IL17RB: variants seen among roughly 807,000 people sequenced by gnomAD.
IL17RB encodes interleukin-17 receptor B.
In IL17RB, 36 loss-of-function variants were observed where a neutral mutation model predicts 43.9. The ratio of observed to expected loss-of-function variants is 0.82; its 90% CI spans 0.63 to 1.08. IL17RB has a LOEUF of 1.08. IL17RB is among the 50% of genes least tolerant of loss of function. The pLI is 0.00. For missense variants in IL17RB, 613 were observed against 613.6 expected (o/e 1.00, Z 0.01); for synonymous variants, 225 against 225.4 (o/e 1.00, Z 0.02).
rs1332872990 is a variant in IL17RB at position 53,857,661 on chromosome 3, A to C, written c.718A>C (p.Thr240Pro). ...QTRASVVIPV[T>P]GDSEGATVQL... ...GCGAGCTTCAGTGGTGATTCCAGTG[A>C]CTGGGGATAGTGAAGGTGCTACGGT... Residue 240 changes from threonine (T) to proline (P), a missense_variant, in exon 8 of 11, where the codon ACT becomes CCT. Coordinates refer to ENST00000288167, the MANE Select transcript of IL17RB (RefSeq NM_018725.4). 1 of 1,614,164 alleles carries C rather than the reference A, an allele frequency of 6.2e-7. No homozygotes were observed. Among genetic ancestry groups the C allele is most frequent in the Non-Finnish European group, 8.5e-7 (1 of 1,180,008 alleles).
chr3:53,846,597 C>G lies in IL17RB; in HGVS notation c.9C>G (p.Leu3=). ...CGCGCAGTGGCCCGGCGATGTCGCT[C>G]GTGCTGCTAAGCCTGGCCGCGCTGT... MS[L]VLLSLAALCR... is the part of the protein sequence containing the mutation. The change falls in exon 1 of 11, where the codon CTC becomes CTG. Residue 3 remains leucine, a synonymous_variant. Coordinates refer to ENST00000288167, the MANE Select transcript of IL17RB (RefSeq NM_018725.4). The G allele has an allele frequency of 6.3e-7, 1 of 1,586,300 alleles. No individual in the cohort carries two copies. The highest frequency in any genetic ancestry group is 8.5e-7 in the Non-Finnish European group (1 of 1,170,744).
chr3:53,850,944 T>C (rs1699120820), intron 3 of IL17RB, among the ~76,000 whole-genome samples: 1 of 152,240 alleles, frequency 6.6e-6, no homozygotes, highest in Non-Finnish European at 1.5e-5. Flanking sequence ...ATGCATCAAG[T>C]GGTACACTTA....
chr3:53,855,478 AG>A, intron 6 of IL17RB, 137 bp downstream of exon 6: 1 of 596,610 alleles, frequency 1.7e-6, no homozygotes, highest in Non-Finnish European at 3.0e-6. Context: ...TGGTGGTGGC[AG>A]AAGCACCTAT....
chr3:53,848,600 T>C, intron 1 of IL17RB, 64 bp from the exon 2 acceptor site: 1 of 1,522,054 alleles, frequency 6.6e-7, no homozygotes, highest in Non-Finnish European at 9.1e-7. Context: ...TCTGCCTAAT[T>C]TGGCAAAGGA....
chr3:53,858,797 G>C lies in IL17RB; in HGVS notation c.826G>C (p.Val276Leu). 6.2e-7 allele frequency: 1 copy of C among 1,613,990 alleles called. No homozygotes were observed. ...AGTTGTGCTCTGCCCACAAACAGGC[G>C]TCCCTTTCCCTCTGGATAACAGTAA... Reference protein sequence around the residue: ...GTVVLCPQTGVPFPLDNNKSK... With the variant: ...GTVVLCPQTGLPFPLDNNKSK... Residue 276 changes from valine (V) to leucine (L), a missense_variant, in exon 9 of 11, where the codon GTC becomes CTC. Transcript: ENST00000288167.
At chr3:53,855,844 CTT>C (rs1478236310) in intron 6 of IL17RB, among the ~76,000 whole-genome samples, 1 of 152,220 alleles carries the variant, frequency 6.6e-6, no homozygotes, top group Non-Finnish European at 1.5e-5. Flanking sequence ...AAGAGGATCA[CTT>C]TTCACAGGCT....
intron 5 of IL17RB, among the ~76,000 whole-genome samples, chr3:53,854,874 T>C (rs959795103): frequency 2.6e-5 from 4 of 152,206 alleles, no homozygotes; most frequent in African/African-American, 9.6e-5. Context: ...AAGATACTGT[T>C]TTGATAAAGG....
At chr3:53,850,969 T>C (rs758475933) in intron 3 of IL17RB, among the ~76,000 whole-genome samples, 3 of 152,210 alleles carry the variant, frequency 2.0e-5, no homozygotes, top group Non-Finnish European at 4.4e-5. Context: ...TGTACTTTTC[T>C]GTGTATGTAC....
intron 10 of IL17RB, among the ~76,000 whole-genome samples, chr3:53,862,558 C>T (rs1559783869): frequency 6.6e-6 from 1 of 152,112 alleles, no homozygotes; most frequent in Admixed American, 6.6e-5. Context: ...TGAAGGGTTT[C>T]AAGATACGGA....
rs369447606 is a variant in IL17RB, at chr3:53,854,050, C to T, written c.481+1053C>T. On this transcript the variant is annotated intron_variant, in intron 5 of 10. Transcript: ENST00000288167. ...AAGCTAGGATTACAGTCATGAGCCACCACACCCAGCTAATTTTTGTATTTT... is the reference window on the plus strand; with the variant it reads ...AAGCTAGGATTACAGTCATGAGCCATCACACCCAGCTAATTTTTGTATTTT... 1.5e-4 allele frequency among the ~76,000 whole-genome samples: 23 copies of T among 152,206 alleles called. No individual in the cohort carries two copies. In the East Asian group the frequency reaches 3.9e-3, roughly 26 times the overall value.
chr3:53,857,790 C>T, intron 8 of IL17RB, 100 bp downstream of exon 8: 1 of 1,077,700 alleles, frequency 9.3e-7, no homozygotes. Flanking sequence ...AAATGCACTT[C>T]TGCCAGCAGA....
intron 3 of IL17RB, among the ~76,000 whole-genome samples, chr3:53,851,201 C>T (rs1371768905): frequency 6.6e-6 from 1 of 152,164 alleles, no homozygotes; most frequent in Non-Finnish European, 1.5e-5. Context: ...CTGCTAAATT[C>T]AGATCGGAAA....
At chr3:53,846,860 C>T (rs910509688) in intron 1 of IL17RB, among the ~76,000 whole-genome samples, 6 of 152,204 alleles carry the variant, frequency 3.9e-5, no homozygotes, top group African/African-American at 1.4e-4. Flanking sequence ...TCAGATGCCA[C>T]CCTGTACTGT....
intron 5 of IL17RB, among the ~76,000 whole-genome samples, chr3:53,854,729 C>T (rs923299688): frequency 6.6e-6 from 1 of 152,212 alleles, no homozygotes; most frequent in Non-Finnish European, 1.5e-5. Flanking sequence ...GGAAACAAGT[C>T]ACTAATTCTA....
intron 9 of IL17RB, chr3:53,859,068 TAC>T: frequency 2.5e-6 from 1 of 396,440 alleles, no homozygotes; most frequent in Non-Finnish European, 4.6e-6. Flanking sequence ...GGGAAAAAAA[TAC>T]ACAGTGCAAA....
intron 10 of IL17RB, chr3:53,860,918 C>T (rs1699540339): frequency 6.6e-6 from 1 of 152,188 alleles, no homozygotes; most frequent in African/African-American, 2.4e-5. Context: ...ACCAACTGTA[C>T]ATGGCACCAT....
Position 53,849,663 on chromosome 3 carries a change from C to G in IL17RB, c.94C>G (p.Pro32Ala), listed in dbSNP as rs147809541. 5 of 1,605,276 alleles carry G rather than the reference C, an allele frequency of 3.1e-6. No homozygotes were observed. In the African/African-American group the frequency reaches 6.7e-5, roughly 22 times the overall value. ...GTCTTGCTTTTTCCCAGGGCCATCT[C>G]CAGAGTGGATGCTACAACATGATCT... ...VQCGSETGPS[P>A]EWMLQHDLIP... Residue 32 changes from proline to alanine, a missense_variant, in exon 3 of 11, where the codon CCA becomes GCA. Pro to Ala is a conservative substitution (Grantham distance 27). Transcript: ENST00000288167.
At position 53,851,979 on chromosome 3, in the gene IL17RB, C is replaced by A. The variant is rs1699165859; in HGVS notation, c.227-20C>A. On this transcript the variant is annotated intron_variant, in intron 3 of 10. Coordinates refer to ENST00000288167, the MANE Select transcript of IL17RB (RefSeq NM_018725.4). ...CAGCAAGTGCTAAATAAACCAATGT[C>A]CTCTTGCCTATCTCGGCAGCCAGCA... 6.2e-7 allele frequency: 1 copy of A among 1,613,950 alleles called. No individual in the cohort carries two copies.
Position 53,846,571 on chromosome 3 carries a change from C to T in IL17RB, c.-18C>T. ...GCGCAGCGTGCGGGTGGCCTGGATC[C>T]CGCGCAGTGGCCCGGCGATGTCGCT... On this transcript the variant is annotated 5_prime_UTR_variant, in exon 1 of 11. Transcript: ENST00000288167. 1.9e-6 allele frequency: 3 copies of T among 1,567,046 alleles called. No homozygotes were observed. Among genetic ancestry groups the T allele is most frequent in the Non-Finnish European group, 2.6e-6 (3 of 1,162,474 alleles).
Sources: gnomAD v4.1 joint callset for allele counts (sites outside exome capture counted in the v4.1 genomes callset) on GRCh38, gnomAD v4.1.1 for gene constraint, MANE v1.5 for transcripts, NCBI Gene and HGNC (gene_info 2026-07-23, HGNC 2026-07-21) for gene names.